The following MASP1 variants were observed in gnomAD, a reference collection of about 807,000 sequenced individuals.
MASP1 encodes the protein MBL associated serine protease 1, also known as mannan-binding lectin serine protease 1.
In MASP1, 59 loss-of-function variants were observed where a neutral mutation model predicts 77.1. The ratio of observed to expected loss-of-function variants is 0.77; its 90% CI spans 0.62 to 0.95. The LOEUF is 0.95. Ranked by LOEUF, MASP1 falls within the 40% of genes least tolerant of loss-of-function variation. MASP1 has a pLI of 0.00. For missense variants in MASP1, 885 were observed against 912.9 expected (o/e 0.97, Z 0.39); for synonymous variants, 362 against 354.5 (o/e 1.02, Z -0.24).
At chr3:187,238,859 G>T (rs1046047326) in intron 10 of MASP1, among the ~76,000 whole-genome samples, 1 of 152,174 alleles carries the variant, frequency 6.6e-6, no homozygotes, top group Non-Finnish European at 1.5e-5. Flanking sequence ...TTTGACAATA[G>T]ATGAGATGGC....
At position 187,235,944 on chromosome 3, in the gene MASP1, C is replaced by T. The variant is rs765808321; in HGVS notation, c.1927G>A (p.Val643Ile). ...CCAGCACAGAACATGTTCTCCGTGA[C>T]GCTGTAATTGCCCGAGCGGGACTCA... ...SYESRSGNYS[V>I]TENMFCAGYY... Residue 643 changes from valine (V) to isoleucine (I), a missense_variant, in exon 11 of 11, where the codon GTC (valine) becomes ATC (isoleucine). Val to Ile is a conservative substitution (Grantham distance 29). Coordinates refer to ENST00000296280, the MANE Select transcript of MASP1 (RefSeq NM_139125.4). 45 of 1,614,228 alleles carry T rather than the reference C, an allele frequency of 2.8e-5. No homozygotes were observed. Among genetic ancestry groups the T allele is most frequent in the Middle Eastern group, 3.3e-4 (2 of 6,062 alleles).
chr3:187,284,522 C>T (rs756379336), intron 2 of MASP1, among the ~76,000 whole-genome samples: 11 of 152,146 alleles, frequency 7.2e-5, no homozygotes, highest in Non-Finnish European at 1.0e-4. Flanking sequence ...AATTTTTAGA[C>T]GCAGAGACCT....
At chr3:187,222,149 G>A (rs73068940) in intron 14 of MASP1, among the ~76,000 whole-genome samples, 4,285 of 152,256 alleles carry the variant, frequency 0.028, 94 homozygotes, top group Middle Eastern at 0.071. Context: ...CATCGTTCAG[G>A]TATCATTTCA....
chr3:187,248,202 T>TACTACAA (rs1714263586), intron 8 of MASP1, among the ~76,000 whole-genome samples: 1 of 152,212 alleles, frequency 6.6e-6, no homozygotes, highest in Non-Finnish European at 1.5e-5. Flanking sequence ...TACTACAAAA[T>TACTACAA]GACAGGGTGT....
chr3:187,229,738 AC>A, downstream of MASP1: 1 of 1,613,228 alleles, frequency 6.2e-7, no homozygotes, highest in Non-Finnish European at 8.5e-7. Context: ...CTTAGCTTCC[AC>A]CCCTTCCACC....
At chr3:187,281,281 T>C (rs1466965599) in intron 2 of MASP1, among the ~76,000 whole-genome samples, 1 of 152,238 alleles carries the variant, frequency 6.6e-6, no homozygotes, top group Non-Finnish European at 1.5e-5. Context: ...AGTCCTGCTC[T>C]TCTTCAGGCT....
chr3:187,268,554 A>AAT (rs1456978021), intron 2 of MASP1, among the ~76,000 whole-genome samples: 3 of 150,812 alleles, frequency 2.0e-5, no homozygotes, highest in African/African-American at 7.4e-5. Flanking sequence ...GAAAATAGAA[A>AAT]AGAAAAGAAA....
In MASP1 at chr3:187,256,700, G is replaced by T. The variant is rs1715109346; in HGVS notation, c.708C>A (p.Asp236Glu). 2 of 1,613,852 alleles carry T rather than the reference G, an allele frequency of 1.2e-6. No individual in the cohort carries two copies. The highest frequency in any genetic ancestry group is 1.7e-6 in the Non-Finnish European group (2 of 1,180,016). Residue 236 changes from aspartate to glutamate, a missense_variant, in exon 5 of 11, where the codon GAC (aspartate) becomes GAA (glutamate). Asp to Glu is a conservative substitution (Grantham distance 45). Transcript: ENST00000296280. ...LQFEDIFDIE[D>E]HPEVPCPYDY... is the part of the protein sequence containing the mutation. ...CATAGGGGCAGGGCACCTCAGGATG[G>T]TCCTCAATGTCAAATATGTCCTCAA... is the stretch of plus-strand genomic sequence containing the variant.
intron 1 of MASP1, among the ~76,000 whole-genome samples, chr3:187,287,173 G>A (rs558965545): frequency 4.4e-4 from 67 of 152,306 alleles, no homozygotes; most frequent in Non-Finnish European, 5.4e-4. Context: ...TGTGTCTGCA[G>A]GGTAAAGCGT....
chr3:187,232,112 G>A (rs1712800008), downstream of MASP1, among the ~76,000 whole-genome samples: 1 of 152,102 alleles, frequency 6.6e-6, no homozygotes, highest in African/African-American at 2.4e-5. Flanking sequence ...CTTCCATCCT[G>A]GAGTCCTTTA....
In MASP1 at chr3:187,234,530, C is replaced by T. The variant is rs1007902038; in HGVS notation, c.*1154G>A. On this transcript the variant is annotated 3_prime_UTR_variant, in exon 11 of 11. Transcript: ENST00000296280. ...GTTGGGGGCAGAGCAGGGACTAGAA[C>T]CCAGGACTCCTGGCTCTTTTCACTG... The T allele has an allele frequency of 1.0e-5, 13 of 1,287,036 alleles. No individual in the cohort carries two copies. The African/African-American group carries it at 1.2e-4, about 12-fold the overall frequency. The allele number at this position is 1,287,036 out of a possible 1,614,324, so 79.7% of individuals were successfully genotyped here. A position where few individuals can be genotyped will look rare whatever the true frequency, so the allele number is the denominator to read the frequency against.
In MASP1 at chr3:187,234,847, A is replaced by C. The variant is rs376952631; in HGVS notation, c.*837T>G. On this transcript the variant is annotated 3_prime_UTR_variant, in exon 11 of 11. Transcript: ENST00000296280. ...TTCAGATAATACATTTCAAGGCTGA[A>C]AGATTGCTTTGTGCTTGTCTGGAGC... 16 of 1,287,232 alleles carry C rather than the reference A, an allele frequency of 1.2e-5. No individual in the cohort carries two copies. In the African/African-American group the frequency reaches 2.4e-4, roughly 20 times the overall value. 79.7% of individuals were successfully genotyped at this position (1,287,232 alleles called of 1,614,324 possible).
intron 6 of MASP1, 96 bp downstream of exon 6, chr3:187,253,072 A>T: frequency 6.5e-7 from 1 of 1,526,852 alleles, no homozygotes; most frequent in Non-Finnish European, 9.1e-7. Context: ...TCAGGTCTCC[A>T]GAGGAGATCC....
At chr3:187,232,161 C>T (rs1428724745), downstream of MASP1, among the ~76,000 whole-genome samples, 2 of 152,090 alleles carry the variant, frequency 1.3e-5, no homozygotes, top group Non-Finnish European at 2.9e-5. Flanking sequence ...TTGACTACTT[C>T]ATCCCTCTTT....
intron 7 of MASP1, 56 bp downstream of exon 7, chr3:187,251,578 G>C (rs1176330265): frequency 3.5e-6 from 5 of 1,438,090 alleles, no homozygotes; most frequent in Non-Finnish European, 4.9e-6. Context: ...GGGAGGGGCA[G>C]GTTTCGAGAG....
In MASP1 at chr3:187,235,086, C is replaced by T; in HGVS notation, c.*598G>A. 1 of 1,287,278 alleles carries T rather than the reference C, an allele frequency of 7.8e-7. No individual in the cohort carries two copies. The highest frequency in any genetic ancestry group is 1.0e-6 in the Non-Finnish European group (1 of 988,728). The allele number at this position is 1,287,278 out of a possible 1,614,324, so 79.7% of individuals were successfully genotyped here. A position where few individuals can be genotyped will look rare whatever the true frequency, so the allele number is the denominator to read the frequency against. On this transcript the variant is annotated 3_prime_UTR_variant, in exon 11 of 11. Transcript: ENST00000296280. ...GGGATAAGGCTTAGACTGCAAGAAG[C>T]TTTTGGGAGAGAAACCCCAGGCATG... is the stretch of plus-strand genomic sequence containing the variant.
At chr3:187,238,638 C>T (rs1267927788) in intron 10 of MASP1, among the ~76,000 whole-genome samples, 1 of 152,146 alleles carries the variant, frequency 6.6e-6, no homozygotes, top group East Asian at 1.9e-4. Flanking sequence ...TTCAAGGTTC[C>T]TGAGGATGGC....
chr3:187,241,847 A>G, intron 9 of MASP1: 1 of 351,558 alleles, frequency 2.8e-6, no homozygotes, highest in Non-Finnish European at 5.5e-6. Context: ...TCCCTTTGCA[A>G]CATGAAGGAT....
intron 8 of MASP1, chr3:187,244,501 C>T (rs1002840564): frequency 2.6e-5 from 4 of 152,200 alleles, no homozygotes; most frequent in African/African-American, 9.7e-5. Context: ...TTAGGTATAA[C>T]AGCCTATGCC....
Sources: allele counts gnomAD v4.1 joint callset (sites outside exome capture counted in the v4.1 genomes callset), GRCh38; gene constraint gnomAD v4.1.1; transcripts MANE v1.5; gene names NCBI Gene and HGNC (gene_info 2026-07-23, HGNC 2026-07-21).